The following ZFYVE28 variants were observed in gnomAD, a reference collection of about 807,000 sequenced individuals.
ZFYVE28 encodes zinc finger FYVE-type containing 28.
In ZFYVE28, 40 loss-of-function variants were observed where a neutral mutation model predicts 82.1. That is an observed-to-expected ratio of 0.49 (90% CI 0.38 to 0.63). ZFYVE28 has a LOEUF of 0.63. Ranked by LOEUF, ZFYVE28 falls within the 30% of genes least tolerant of loss-of-function variation. The probability of loss-of-function intolerance (pLI) is 0.00; values close to 1 mark genes in which losing one functional copy is unlikely to be tolerated. For missense variants in ZFYVE28, 1,321 were observed against 1,242.1 expected, an observed-to-expected ratio of 1.06 and a Z score of -0.96; for synonymous variants, 612 against 546.1, an observed-to-expected ratio of 1.12 and a Z score of -1.68.
At position 2,313,819 on chromosome 4, in the gene ZFYVE28, A is replaced by G. The variant is rs1364287859; in HGVS notation, c.803+6351T>C. On this transcript the variant is annotated intron_variant, in intron 7 of 12. Coordinates refer to ENST00000290974, the MANE Select transcript of ZFYVE28 (RefSeq NM_020972.3). ...AGCCGAGATCGCACCACTGCACTCC[A>G]GCCTGGGCGACAGAGTGAGACTCTG... is the stretch of plus-strand genomic sequence containing the variant. Among the ~76,000 whole-genome samples the G allele has an allele frequency of 2.0e-5, 3 of 150,226 alleles. No individual in the cohort carries two copies. In the East Asian group the frequency reaches 5.9e-4, roughly 30 times the overall value.
chr4:2,409,949 T>C lies in ZFYVE28; in HGVS notation c.39+8336A>G, dbSNP rs1029863448. 1.3e-5 allele frequency among the ~76,000 whole-genome samples: 2 copies of C among 152,214 alleles called. No homozygotes were observed. Among genetic ancestry groups the C allele is most frequent in the African/African-American group, 4.8e-5 (2 of 41,452 alleles). On this transcript the variant is annotated intron_variant, in intron 1 of 12. Coordinates refer to ENST00000290974, the MANE Select transcript of ZFYVE28 (RefSeq NM_020972.3). This position sits in a 1 kb window ranked among gnomAD's most constrained non-coding sequence, Gnocchi z 4.4. ...TCAGCGGGCCAGGCTGGCAGGGTGC[T>C]TTCCAAAGCCCCCAAGTCAGCTGCC... is the stretch of plus-strand genomic sequence containing the variant.
At chr4:2,308,693 A>AAAG (rs1334322366) in intron 7 of ZFYVE28, among the ~76,000 whole-genome samples, 45 of 117,272 alleles carry the variant, frequency 3.8e-4, no homozygotes, top group African/African-American at 1.5e-3. Flanking sequence ...GAAAGAAAAG[A>AAAG]AAAGAAAAGA....
intron 7 of ZFYVE28, among the ~76,000 whole-genome samples, chr4:2,311,310 G>T (rs1578030734): frequency 6.6e-6 from 1 of 152,146 alleles, no homozygotes; most frequent in African/African-American, 2.4e-5. Flanking sequence ...CAGATCACAA[G>T]GTCAGGAGTT....
chr4:2,283,831 G>A (rs1226520437), intron 8 of ZFYVE28, among the ~76,000 whole-genome samples: 1 of 152,200 alleles, frequency 6.6e-6, no homozygotes, highest in East Asian at 1.9e-4. Context: ...GAGGGTTCCT[G>A]GAAGGCGCAG....
intron 8 of ZFYVE28, chr4:2,287,461 T>C (rs1291394708): frequency 6.6e-6 from 1 of 152,260 alleles, no homozygotes; most frequent in African/African-American, 2.4e-5. Flanking sequence ...GCTGAACGAA[T>C]CCTGGCTTAA....
rs1036713202 is a variant in ZFYVE28, at chr4:2,339,696, G to T, written c.319-41C>A. On this transcript the variant is annotated intron_variant, in intron 3 of 12. Transcript: ENST00000290974. This position sits in a 1 kb window ranked among gnomAD's most constrained non-coding sequence, Gnocchi z 5.0. ...CACTCAGGGAGGGGCCCGGGTGAGG[G>T]CCAGGCTCTCAGGGGTCGCCGACCC... 4.5e-6 allele frequency: 7 copies of T among 1,541,830 alleles called. No homozygotes were observed. The highest frequency in any genetic ancestry group is 5.2e-6 in the Non-Finnish European group (6 of 1,143,934).
Position 2,304,491 on chromosome 4 carries a change from A to G in ZFYVE28, c.1849T>C (p.Ser617Pro). The G allele has an allele frequency of 6.2e-7, 1 of 1,612,824 alleles. No individual in the cohort carries two copies. Among genetic ancestry groups the G allele is most frequent in the Non-Finnish European group, 8.5e-7 (1 of 1,179,650 alleles). The change falls in exon 8 of 13, where the codon TCA (serine) becomes CCA (proline). Residue 617 changes from serine to proline, a missense_variant. Transcript: ENST00000290974. ...PERQEEAPPP[S>P]EDASNGREPK... ...TCCCGCCCGTTGGAGGCATCTTCTG[A>G]GGGTGGGGGCGCCTCCTCCTGTCTC... is the stretch of plus-strand genomic sequence containing the variant.
intron 2 of ZFYVE28, among the ~76,000 whole-genome samples, chr4:2,349,634 T>C (rs1449220140): frequency 6.6e-6 from 1 of 152,206 alleles, no homozygotes; most frequent in East Asian, 1.9e-4. Flanking sequence ...GTGAGTGTTG[T>C]GTGTACACAC....
intron 8 of ZFYVE28, among the ~76,000 whole-genome samples, chr4:2,301,461 T>A (rs1347150725): frequency 1.3e-5 from 2 of 152,150 alleles, no homozygotes; most frequent in African/African-American, 4.8e-5. Context: ...CCAGAAACGC[T>A]TCCCTGGAAG....
chr4:2,286,136 G>C (rs1263801067), intron 8 of ZFYVE28: 16 of 152,686 alleles, frequency 1.0e-4, no homozygotes, highest in Admixed American at 9.8e-4. Flanking sequence ...GGGGAGCATG[G>C]GGTCAGCGGC....
rs1238506814 is a variant in ZFYVE28 at position 2,418,535 on chromosome 4, C to T, written c.-212G>A. ...CCCTGAGTATGCTCTGCAAGCGGCG[C>T]GCCGGGCAGACCTCAGACCCGGGAG... On this transcript the variant is annotated 5_prime_UTR_variant, in exon 1 of 13. Transcript: ENST00000290974. The surrounding 1 kb of genome is among the most constrained non-coding windows in gnomAD (Gnocchi z 4.6). 5.6e-6 allele frequency: 1 copy of T among 179,874 alleles called. No individual in the cohort carries two copies. The highest frequency in any genetic ancestry group is 1.1e-5 in the Non-Finnish European group (1 of 92,666). 11.1% of individuals were successfully genotyped at this position (179,874 alleles called of 1,614,324 possible).
chr4:2,290,811 T>G (rs965202776), intron 8 of ZFYVE28, among the ~76,000 whole-genome samples: 26 of 151,642 alleles, frequency 1.7e-4, no homozygotes, highest in Admixed American at 1.6e-3. Flanking sequence ...TGGGGAGGGG[T>G]GGGGGCCATA....
In ZFYVE28 at chr4:2,300,312, C is replaced by G. The variant is rs1715317707; in HGVS notation, c.2051+3977G>C. Among the ~76,000 whole-genome samples, 2 of 152,230 alleles carry G rather than the reference C, an allele frequency of 1.3e-5. No homozygotes were observed. Among genetic ancestry groups the G allele is most frequent in the South Asian group, 4.2e-4 (2 of 4,812 alleles). On this transcript the variant is annotated intron_variant, in intron 8 of 12. Coordinates refer to ENST00000290974, the MANE Select transcript of ZFYVE28 (RefSeq NM_020972.3). This position sits in a 1 kb window ranked among gnomAD's most constrained non-coding sequence, Gnocchi z 4.6. ...TTCGAGAGGACGGAAGGTTCTGGAT[C>G]AAAGAGGTAAGGCTAGCTGAAGGGA...
chr4:2,286,184 C>A (rs1210068868), intron 8 of ZFYVE28: 3 of 152,460 alleles, frequency 2.0e-5, no homozygotes, highest in Admixed American at 2.0e-4. Context: ...TGTACGGGCA[C>A]TGGCTCACTC....
intron 7 of ZFYVE28, among the ~76,000 whole-genome samples, chr4:2,313,570 TAAG>T (rs1254411794): frequency 6.6e-6 from 1 of 152,094 alleles, no homozygotes; most frequent in Non-Finnish European, 1.5e-5. Flanking sequence ...CACATACTTT[TAAG>T]AAGAACATAA....
At chr4:2,380,073 C>G (rs1728576782) in intron 1 of ZFYVE28, among the ~76,000 whole-genome samples, 1 of 152,212 alleles carries the variant, frequency 6.6e-6, no homozygotes, top group African/African-American at 2.4e-5. Flanking sequence ...ACAATGTAGA[C>G]ACTGCAATTA....
chr4:2,364,280 C>A (rs1396600980), intron 1 of ZFYVE28, among the ~76,000 whole-genome samples: 1 of 152,208 alleles, frequency 6.6e-6, no homozygotes, highest in East Asian at 1.9e-4. Flanking sequence ...GTCCCACCTA[C>A]CCCCTGCAGG....
At chr4:2,321,007 A>C (rs1178843330) in intron 6 of ZFYVE28, among the ~76,000 whole-genome samples, 3 of 151,894 alleles carry the variant, frequency 2.0e-5, no homozygotes, top group African/African-American at 7.3e-5. Context: ...CCAAGCTCCG[A>C]GTGTGCCTTG....
chr4:2,391,985 C>A (rs1377345518), intron 1 of ZFYVE28, among the ~76,000 whole-genome samples: 1 of 151,932 alleles, frequency 6.6e-6, no homozygotes, highest in Non-Finnish European at 1.5e-5. Context: ...CAAAACCCCA[C>A]CACTACAAAA....
Sources: allele counts gnomAD v4.1 joint callset (sites outside exome capture counted in the v4.1 genomes callset), GRCh38; gene constraint gnomAD v4.1.1; non-coding constraint Gnocchi (gnomAD v3.1); transcripts MANE v1.5; gene names NCBI Gene and HGNC (gene_info 2026-07-23, HGNC 2026-07-21).